The following SYN2 variants were observed in gnomAD, a reference collection of about 807,000 sequenced individuals.
SYN2 encodes the protein synapsin II.
SYN2 carries 19 observed loss-of-function variants against 50.9 expected under a neutral mutation model. The ratio of observed to expected loss-of-function variants is 0.37; its 90% CI spans 0.26 to 0.55. The LOEUF (loss-of-function observed/expected upper bound fraction) is 0.55. Among genes scored for constraint, SYN2 ranks in the 20% least tolerant of loss-of-function variants. The pLI, the probability that SYN2 is intolerant of heterozygous loss-of-function variation, is 0.81. For synonymous variants in SYN2, 255 were observed against 224.9 expected (o/e 1.13, Z -1.20); for missense variants, 587 against 576.4 (o/e 1.02, Z -0.19).
intron 5 of SYN2, among the ~76,000 whole-genome samples, chr3:12,159,957 G>A (rs1697600381): frequency 6.9e-6 from 1 of 145,918 alleles, no homozygotes; most frequent in Admixed American, 7.2e-5. Context: ...GCAAGAGAAT[G>A]GCTTGAACCC....
intron 1 of SYN2, among the ~76,000 whole-genome samples, chr3:12,056,254 A>G (rs754391235): frequency 2.6e-5 from 4 of 152,152 alleles, no homozygotes; most frequent in African/African-American, 9.7e-5. Flanking sequence ...TAATTCCATA[A>G]AAGTCAAGAG....
chr3:12,071,565 C>CT (rs1695355890), intron 1 of SYN2: 1 of 341,632 alleles, frequency 2.9e-6, no homozygotes, highest in Non-Finnish European at 5.8e-6. Flanking sequence ...TTCAAGTTAA[C>CT]TTTTACCCCT....
intron 1 of SYN2, among the ~76,000 whole-genome samples, chr3:12,094,964 C>G (rs1165776558): frequency 6.6e-6 from 1 of 152,114 alleles, no homozygotes; most frequent in East Asian, 1.9e-4. Flanking sequence ...AACAAAGATA[C>G]AGTGTAAATC....
chr3:12,175,602 C>G (rs184103860), intron 10 of SYN2, among the ~76,000 whole-genome samples: 53 of 152,350 alleles, frequency 3.5e-4, no homozygotes, highest in African/African-American at 1.1e-3. Flanking sequence ...AGCCACTTGT[C>G]TACCCTTCTC....
At chr3:12,190,419 C>CA (rs1209319400) in intron 12 of SYN2, 71 bp from the exon 13 acceptor site, 2 of 1,563,438 alleles carry the variant, frequency 1.3e-6, no homozygotes, top group Non-Finnish European at 1.8e-6. Flanking sequence ...TGTGTATCCT[C>CA]ACGTCACCGT....
chr3:12,099,312 A>G (rs1221739819), intron 1 of SYN2, among the ~76,000 whole-genome samples: 3 of 152,320 alleles, frequency 2.0e-5, no homozygotes, highest in South Asian at 2.1e-4. Context: ...ATGTTGGTCC[A>G]TAAAGCAAAT....
rs1469188208 is a variant in SYN2, at chr3:12,161,549, A to G, written c.778A>G (p.Thr260Ala). The G allele has an allele frequency of 6.2e-7, 1 of 1,613,986 alleles. No homozygotes were observed. The highest frequency in any genetic ancestry group is 1.3e-5 in the African/African-American group (1 of 75,044). The change falls in exon 6 of 13, where the codon ACA becomes GCA. Residue 260 changes from threonine to alanine, a missense_variant. By Grantham distance (58) the Thr-to-Ala change is moderately conservative. Coordinates refer to ENST00000621198, the MANE Select transcript of SYN2 (RefSeq NM_133625.6). The part of the protein sequence containing the change: ...TYYPNHKEML[T>A]LPTFPVVVKI... Reference sequence around the variant, plus strand: ...TTCATTTCTCTTCTGATTTCAGCTGACACTGCCCACGTTCCCTGTGGTGGT... The same window carrying G: ...TTCATTTCTCTTCTGATTTCAGCTGGCACTGCCCACGTTCCCTGTGGTGGT...
intron 1 of SYN2, chr3:12,070,560 C>T: frequency 8.3e-7 from 1 of 1,205,744 alleles, no homozygotes. Context: ...GACGGAGGCC[C>T]TTGTGAACCC....
At chr3:12,188,915 G>C (rs1698396217) in intron 12 of SYN2, among the ~76,000 whole-genome samples, 1 of 152,204 alleles carries the variant, frequency 6.6e-6, no homozygotes, top group African/African-American at 2.4e-5. Flanking sequence ...CTGCCTCTGG[G>C]CTGAAGCTGT....
chr3:12,174,397 T>C (rs889671607), intron 10 of SYN2, among the ~76,000 whole-genome samples: 1 of 152,194 alleles, frequency 6.6e-6, no homozygotes, highest in Non-Finnish European at 1.5e-5. Flanking sequence ...CCTTGTACTA[T>C]CCTAACTGTT....
Position 12,004,878 on chromosome 3 carries a change from C to T in SYN2, c.327C>T (p.Ala109=), listed in dbSNP as rs1364139400. 1 of 577,800 alleles carries T rather than the reference C, an allele frequency of 1.7e-6. No homozygotes were observed. Among genetic ancestry groups the T allele is most frequent in the Non-Finnish European group, 3.1e-6 (1 of 322,948 alleles). The allele number at this position is 577,800 out of a possible 1,614,324, so 35.8% of individuals were successfully genotyped here. A position where few individuals can be genotyped will look rare whatever the true frequency, so the allele number is the denominator to read the frequency against. ...LVDAPAPAPA[A]ARKAKVLLVV... is the part of the protein sequence containing the mutation. ...ACGCGCCCGCTCCCGCGCCCGCAGCCGCCAGGAAGGCCAAGGTGCTGCTGG... is the reference window on the plus strand; with the variant it reads ...ACGCGCCCGCTCCCGCGCCCGCAGCTGCCAGGAAGGCCAAGGTGCTGCTGG... The change falls in exon 1 of 13, where the codon GCC becomes GCT. Residue 109 remains alanine (A), a synonymous_variant. Transcript: ENST00000621198.
At chr3:12,138,646 A>G (rs1696950614) in intron 1 of SYN2, among the ~76,000 whole-genome samples, 2 of 152,216 alleles carry the variant, frequency 1.3e-5, no homozygotes, top group Admixed American at 1.3e-4. Context: ...GCTCCTTCAC[A>G]GAGTTGTGAG....
chr3:12,014,465 T>C (rs1329049082), intron 1 of SYN2, among the ~76,000 whole-genome samples: 1 of 152,194 alleles, frequency 6.6e-6, no homozygotes, highest in Non-Finnish European at 1.5e-5. Flanking sequence ...TACCACATCA[T>C]AAATCTTTAG....
At chr3:12,058,189 C>T (rs1348195840) in intron 1 of SYN2, among the ~76,000 whole-genome samples, 1 of 152,130 alleles carries the variant, frequency 6.6e-6, no homozygotes, top group Non-Finnish European at 1.5e-5. Context: ...GTTTTTGAAA[C>T]AATAGATTTC....
intron 7 of SYN2, among the ~76,000 whole-genome samples, chr3:12,164,046 T>C (rs1697722235): frequency 6.6e-6 from 1 of 152,000 alleles, no homozygotes; most frequent in African/African-American, 2.4e-5. Context: ...CCAGCCTGAG[T>C]GACATGGGAC....
chr3:12,112,191 C>CA (rs1228179159), intron 1 of SYN2, among the ~76,000 whole-genome samples: 3 of 152,108 alleles, frequency 2.0e-5, no homozygotes, highest in African/African-American at 7.2e-5. Flanking sequence ...GAAAGCAAAG[C>CA]ACTGGTGTAC....
chr3:12,168,153 G>A (rs1697847299), intron 8 of SYN2, among the ~76,000 whole-genome samples: 1 of 152,214 alleles, frequency 6.6e-6, no homozygotes. Flanking sequence ...AGGCCTTCTA[G>A]ATATGGTGAG....
chr3:12,121,441 T>G (rs1381350147), intron 1 of SYN2, among the ~76,000 whole-genome samples: 1 of 152,200 alleles, frequency 6.6e-6, no homozygotes, highest in Non-Finnish European at 1.5e-5. Flanking sequence ...TTATAGTTAT[T>G]TGTTTACCAC....
intron 1 of SYN2, among the ~76,000 whole-genome samples, chr3:12,017,700 G>A (rs1407690210): frequency 4.6e-5 from 7 of 152,158 alleles, no homozygotes; most frequent in Non-Finnish European, 8.8e-5. Context: ...ACCATGACAA[G>A]CAGATTTTCA....
Sources: gnomAD v4.1 joint callset for allele counts (sites outside exome capture counted in the v4.1 genomes callset) on GRCh38, gnomAD v4.1.1 for gene constraint, MANE v1.5 for transcripts, NCBI Gene and HGNC (gene_info 2026-07-23, HGNC 2026-07-21) for gene names.